The following EYS variants were observed in gnomAD, a reference collection of about 807,000 sequenced individuals.
EYS encodes the protein EGF-like photoreceptor maintenance factor.
A neutral mutation model predicts 282.1 loss-of-function variants in EYS; 250 were observed. That is an observed-to-expected ratio of 0.89 (90% CI 0.80 to 0.98). The LOEUF (loss-of-function observed/expected upper bound fraction) is 0.98. Among genes scored for constraint, EYS ranks in the 50% least tolerant of loss-of-function variants. The pLI, the probability that EYS is intolerant of heterozygous loss-of-function variation, is 0.00. For synonymous variants in EYS, 1,355 were observed against 1,282.9 expected (o/e 1.06, Z -1.20); for missense variants, 4,016 against 3,709.0 (o/e 1.08, Z -2.15).
chr6:64,981,872 T>C (rs1770680111), intron 14 of EYS, among the ~76,000 whole-genome samples: 1 of 151,340 alleles, frequency 6.6e-6, no homozygotes, highest in Non-Finnish European at 1.5e-5. Flanking sequence ...AAACAGAGTT[T>C]GGCCAAGCTT....
rs181334209 is a variant in EYS at position 64,280,713 on chromosome 6, T to A, written c.6191+26257A>T. ...TGAACTTTAATCACTCCTTTTGTAA[T>A]TCTAATCAAATAAAACAGCTAGAAA... On this transcript the variant is annotated intron_variant, in intron 30 of 42. Transcript: ENST00000503581. 2.4e-3 allele frequency among the ~76,000 whole-genome samples: 365 copies of A among 152,232 alleles called. 1 individual carries two copies. Among genetic ancestry groups the A allele is most frequent in the African/African-American group, 8.4e-3 (350 of 41,568 alleles).
intron 29 of EYS, among the ~76,000 whole-genome samples, chr6:64,351,027 G>A (rs1771612285): frequency 6.6e-6 from 1 of 150,594 alleles, no homozygotes; most frequent in Non-Finnish European, 1.5e-5. Flanking sequence ...GTTTCCTGAG[G>A]CCTACCCAGC....
intron 22 of EYS, chr6:64,731,055 C>G (rs1771945984): frequency 6.6e-6 from 1 of 152,066 alleles, no homozygotes; most frequent in African/African-American, 2.4e-5. Context: ...AACAAGATAA[C>G]TATTTACTTT....
At chr6:64,875,504 T>G (rs1450536084) in intron 19 of EYS, among the ~76,000 whole-genome samples, 1 of 152,078 alleles carries the variant, frequency 6.6e-6, no homozygotes, top group Non-Finnish European at 1.5e-5. Flanking sequence ...TCAACTCACC[T>G]CATAATGAAA....
At chr6:64,828,102 A>T (rs1765110739) in intron 19 of EYS, among the ~76,000 whole-genome samples, 1 of 151,964 alleles carries the variant, frequency 6.6e-6, no homozygotes, top group South Asian at 2.1e-4. Context: ...AATGCTAGGA[A>T]AATAATACAA....
intron 11 of EYS, among the ~76,000 whole-genome samples, chr6:65,305,653 C>A (rs553081194): frequency 6.6e-6 from 1 of 152,298 alleles, no homozygotes; most frequent in South Asian, 2.1e-4. Context: ...AACTAATTTT[C>A]TATTTCTGGG....
intron 14 of EYS, among the ~76,000 whole-genome samples, chr6:64,986,610 G>A (rs1770868995): frequency 6.6e-6 from 1 of 150,540 alleles, no homozygotes; most frequent in Admixed American, 6.7e-5. Context: ...TTGTTTCTAT[G>A]TATTAGGTTC....
intron 2 of EYS, among the ~76,000 whole-genome samples, chr6:65,589,011 G>T (rs1396464085): frequency 2.0e-5 from 3 of 152,016 alleles, no homozygotes; most frequent in Non-Finnish European, 2.9e-5. Context: ...TTCTTTAAAA[G>T]TTTCTACTTC....
chr6:64,409,174 A>G (rs964239443), intron 28 of EYS, among the ~76,000 whole-genome samples: 1 of 152,126 alleles, frequency 6.6e-6, no homozygotes, highest in Non-Finnish European at 1.5e-5. Context: ...TATGCACCAC[A>G]CTTTCTTTAT....
intron 37 of EYS, among the ~76,000 whole-genome samples, chr6:63,791,377 A>T (rs756386358): frequency 6.6e-6 from 1 of 152,156 alleles, no homozygotes; most frequent in Non-Finnish European, 1.5e-5. Context: ...CATCCTGGCC[A>T]TCCTGGCTAA....
intron 29 of EYS, among the ~76,000 whole-genome samples, chr6:64,358,719 G>A (rs1280853159): frequency 6.6e-6 from 1 of 151,614 alleles, no homozygotes; most frequent in Non-Finnish European, 1.5e-5. Context: ...ATGTTGAGTT[G>A]AGACAGTATC....
chr6:65,637,711 C>A (rs187871595), intron 2 of EYS, among the ~76,000 whole-genome samples: 1 of 152,128 alleles, frequency 6.6e-6, no homozygotes, highest in East Asian at 1.9e-4. Flanking sequence ...ACTGTTGCAA[C>A]TCTAACAAGT....
At chr6:65,351,595 A>G (rs949684634) in intron 9 of EYS, among the ~76,000 whole-genome samples, 2 of 151,820 alleles carry the variant, frequency 1.3e-5, no homozygotes, top group African/African-American at 2.4e-5. Context: ...TCCCTGTAGC[A>G]ATTTATAGTT....
At chr6:65,039,953 G>T (rs556043051) in intron 13 of EYS, among the ~76,000 whole-genome samples, 3 of 151,592 alleles carry the variant, frequency 2.0e-5, no homozygotes, top group Non-Finnish European at 4.4e-5. Flanking sequence ...ATGTTTGCAC[G>T]ATAGAATCTT....
chr6:63,740,205 G>A lies in EYS; in HGVS notation c.8072-13525C>T, dbSNP rs181467953. ...TCTCATCTTGAATTCCACATGTTATGGGAGGAACCCAGTGGGAGGTGATTG... is the reference window on the plus strand; with the variant it reads ...TCTCATCTTGAATTCCACATGTTATAGGAGGAACCCAGTGGGAGGTGATTG... On this transcript the variant is annotated intron_variant, in intron 41 of 42. Coordinates refer to ENST00000503581, the MANE Select transcript of EYS (RefSeq NM_001142800.2). Among the ~76,000 whole-genome samples, 4 of 152,274 alleles carry A rather than the reference G, an allele frequency of 2.6e-5. No homozygotes were observed. The East Asian group carries it at 7.7e-4, about 29-fold the overall frequency.
chr6:64,946,285 C>G (rs1187771183), intron 14 of EYS, among the ~76,000 whole-genome samples: 2 of 151,950 alleles, frequency 1.3e-5, no homozygotes, highest in African/African-American at 2.4e-5. Context: ...AACTCAGCAA[C>G]TAGCTCACAA....
chr6:65,110,244 A>T (rs1775176643), intron 12 of EYS, among the ~76,000 whole-genome samples: 1 of 152,162 alleles, frequency 6.6e-6, no homozygotes, highest in South Asian at 2.1e-4. Context: ...TTGTTCATTC[A>T]TTAATCATTT....
In EYS at chr6:64,372,130, G is replaced by GTTTTT. The variant is rs201498090; in HGVS notation, c.6078+16555_6078+16559dup. Among the ~76,000 whole-genome samples the GTTTTT allele has an allele frequency of 3.7e-3, 366 of 97,658 alleles. 12 individuals are homozygous for GTTTTT. The highest frequency in any genetic ancestry group is 6.2e-3 in the East Asian group (18 of 2,924). 64.1% of individuals were successfully genotyped at this position (97,658 alleles called of 152,430 possible). ...TAGCATCACTGGTCTGTATACTTGT[G>GTTTTT]TTTTTTTTTTTTTTTTTTTTTTTTT... On this transcript the variant is annotated intron_variant, in intron 29 of 42. Transcript: ENST00000503581.
At chr6:64,913,719 T>C (rs2150077481) in intron 15 of EYS, among the ~76,000 whole-genome samples, 1 of 152,256 alleles carries the variant, frequency 6.6e-6, no homozygotes, top group South Asian at 2.1e-4. Context: ...GATAAACATA[T>C]GAGTGAAGTT....
Sources: allele counts gnomAD v4.1 joint callset (sites outside exome capture counted in the v4.1 genomes callset), GRCh38; gene constraint gnomAD v4.1.1; transcripts MANE v1.5; gene names NCBI Gene and HGNC (gene_info 2026-07-23, HGNC 2026-07-21).